Variants in CSMD1 observed in about 807,000 individuals in gnomAD.
CSMD1 encodes CUB and sushi domain-containing protein 1.
Under a neutral mutation model 417.5 loss-of-function variants are expected in CSMD1, and 213 were observed. The observed-to-expected ratio is 0.51, with a 90% CI of 0.46 to 0.57. The LOEUF (loss-of-function observed/expected upper bound fraction) is 0.57, where lower values mean the gene tolerates loss of function less well. CSMD1 is among the 20% of genes least tolerant of loss of function. The pLI is 0.00. For synonymous variants in CSMD1, 2,862 were observed against 1,736.8 expected (o/e 1.65, Z -16.11); for missense variants, 6,923 against 4,529.7 (o/e 1.53, Z -15.17).
At chr8:3,105,485 T>A (rs1267410088) in intron 46 of CSMD1, among the ~76,000 whole-genome samples, 1 of 152,206 alleles carries the variant, frequency 6.6e-6, no homozygotes, top group Non-Finnish European at 1.5e-5. Context: ...TTATGTAAAG[T>A]TTTTCAAGCC....
At chr8:3,671,810 G>A (rs527833961) in intron 7 of CSMD1, among the ~76,000 whole-genome samples, 1 of 151,762 alleles carries the variant, frequency 6.6e-6, no homozygotes, top group Non-Finnish European at 1.5e-5. Flanking sequence ...TTGGAGCCTA[G>A]AACTTCAGTT....
intron 3 of CSMD1, among the ~76,000 whole-genome samples, chr8:4,099,090 T>C (rs1801169559): frequency 6.6e-6 from 1 of 152,064 alleles, no homozygotes; most frequent in Admixed American, 6.6e-5. Flanking sequence ...ATTATTTTCA[T>C]CTGTTTTTTT....
intron 50 of CSMD1, among the ~76,000 whole-genome samples, chr8:3,037,300 G>A (rs1466955454): frequency 1.3e-5 from 2 of 148,970 alleles, no homozygotes; most frequent in African/African-American, 5.0e-5. Context: ...CCGCCTCCTG[G>A]GTTCACGCCA....
intron 2 of CSMD1, among the ~76,000 whole-genome samples, chr8:4,469,453 G>T (rs1380929804): frequency 6.6e-6 from 1 of 152,140 alleles, no homozygotes; most frequent in Non-Finnish European, 1.5e-5. Context: ...TGTGTTATTG[G>T]CTACATTTAG....
chr8:3,259,745 G>A (rs189462893), intron 26 of CSMD1, among the ~76,000 whole-genome samples: 10 of 152,182 alleles, frequency 6.6e-5, no homozygotes, highest in Non-Finnish European at 1.5e-5. Context: ...TGTGTTAAAT[G>A]GTCTAAAACA....
At chr8:4,421,675 C>A (rs1797254596) in intron 2 of CSMD1, among the ~76,000 whole-genome samples, 1 of 151,816 alleles carries the variant, frequency 6.6e-6, no homozygotes, top group Non-Finnish European at 1.5e-5. Flanking sequence ...CTTTGTAAGA[C>A]TCAGCTAAGC....
At chr8:2,944,946 C>T (rs2128915266) in intron 68 of CSMD1, among the ~76,000 whole-genome samples, 1 of 152,126 alleles carries the variant, frequency 6.6e-6, no homozygotes, top group South Asian at 2.1e-4. Flanking sequence ...CACAAGACAC[C>T]TCACATGAAA....
At chr8:3,146,003 A>C (rs1055188248) in intron 40 of CSMD1, among the ~76,000 whole-genome samples, 2 of 152,230 alleles carry the variant, frequency 1.3e-5, no homozygotes, top group Non-Finnish European at 2.9e-5. Flanking sequence ...GAACCTGTGA[A>C]TATTACTTCC....
At chr8:4,005,404 C>G (rs1816034588) in intron 4 of CSMD1, among the ~76,000 whole-genome samples, 1 of 152,156 alleles carries the variant, frequency 6.6e-6, no homozygotes, top group Non-Finnish European at 1.5e-5. Context: ...GGTGGTCACT[C>G]CCTCTGCAAC....
intron 1 of CSMD1, among the ~76,000 whole-genome samples, chr8:4,884,293 G>A (rs917285352): frequency 2.0e-5 from 3 of 151,872 alleles, no homozygotes; most frequent in Admixed American, 6.6e-5. Flanking sequence ...CCAGATAGAT[G>A]ATTCGCCCAA....
chr8:4,085,799 G>C (rs111416835), intron 3 of CSMD1, among the ~76,000 whole-genome samples: 182 of 152,274 alleles, frequency 1.2e-3, no homozygotes, highest in Non-Finnish European at 2.0e-3. Context: ...TTATCATAAA[G>C]ACACCATGAA....
At position 4,208,860 on chromosome 8, in the gene CSMD1, C is replaced by A. The variant is rs546262714; in HGVS notation, c.416-176761G>T. Among the ~76,000 whole-genome samples the A allele has an allele frequency of 7.9e-5, 12 of 152,226 alleles. No individual in the cohort carries two copies. In the South Asian group the frequency reaches 2.5e-3, roughly 32 times the overall value. ...GGAAAATTGAGGTAGCAATAAGTATCCATTCAAAATACCAGGGAGTGTGAG... is the reference window on the plus strand; with the variant it reads ...GGAAAATTGAGGTAGCAATAAGTATACATTCAAAATACCAGGGAGTGTGAG... On this transcript the variant is annotated intron_variant, in intron 3 of 69. Transcript: ENST00000635120.
intron 42 of CSMD1, among the ~76,000 whole-genome samples, chr8:3,111,938 T>G (rs1250832868): frequency 6.6e-6 from 1 of 150,566 alleles, no homozygotes; most frequent in Non-Finnish European, 1.5e-5. Context: ...GTCGAGGGAG[T>G]GTTCACATGC....
chr8:4,041,639 A>T (rs932054419), intron 3 of CSMD1, among the ~76,000 whole-genome samples: 1 of 152,202 alleles, frequency 6.6e-6, no homozygotes. Context: ...TATCCATAAG[A>T]AGAAGAAAAC....
chr8:4,292,884 G>C (rs1363740175), intron 3 of CSMD1, among the ~76,000 whole-genome samples: 2 of 152,144 alleles, frequency 1.3e-5, no homozygotes, highest in African/African-American at 4.8e-5. Flanking sequence ...AAGGCTTTTT[G>C]TAAAGAGATA....
chr8:4,468,555 G>A (rs1188549351), intron 2 of CSMD1, among the ~76,000 whole-genome samples: 1 of 152,074 alleles, frequency 6.6e-6, no homozygotes, highest in Non-Finnish European at 1.5e-5. Context: ...CTTGTCCCCA[G>A]CTAAATCCTC....
At chr8:3,886,637 T>C (rs1020159557) in intron 5 of CSMD1, among the ~76,000 whole-genome samples, 10 of 152,104 alleles carry the variant, frequency 6.6e-5, no homozygotes, top group African/African-American at 2.4e-4. Flanking sequence ...GTTTGCTGAG[T>C]AGTGAGATGT....
Position 4,497,849 on chromosome 8 carries a change from T to C in CSMD1, c.303-77784A>G, listed in dbSNP as rs547258039. Reference sequence around the variant, plus strand: ...TCAACGGTAGAAAAATAATTTCTTTTTCTTTGGTGCAGTCGTAGAAATGCT... The same window carrying C: ...TCAACGGTAGAAAAATAATTTCTTTCTCTTTGGTGCAGTCGTAGAAATGCT... On this transcript the variant is annotated intron_variant, in intron 2 of 69. Transcript: ENST00000635120. Among the ~76,000 whole-genome samples the C allele has an allele frequency of 9.2e-5, 14 of 152,300 alleles. No individual in the cohort carries two copies. The East Asian group carries it at 1.7e-3, about 19-fold the overall frequency.
chr8:3,732,971 C>A (rs1584917852), intron 6 of CSMD1, among the ~76,000 whole-genome samples: 1 of 152,138 alleles, frequency 6.6e-6, no homozygotes, highest in African/African-American at 2.4e-5. Context: ...ACCTACCTAT[C>A]TACCAACCTA....
Sources: gnomAD v4.1 joint callset for allele counts (sites outside exome capture counted in the v4.1 genomes callset) on GRCh38, gnomAD v4.1.1 for gene constraint, MANE v1.5 for transcripts, NCBI Gene and HGNC (gene_info 2026-07-23, HGNC 2026-07-21) for gene names.